The following HTR4 variants were observed in gnomAD, a reference collection of about 807,000 sequenced individuals.
HTR4 encodes 5-hydroxytryptamine receptor 4.
A neutral mutation model predicts 36.8 loss-of-function variants in HTR4; 16 were observed. The ratio of observed to expected loss-of-function variants is 0.43; its 90% CI spans 0.29 to 0.66. The LOEUF (loss-of-function observed/expected upper bound fraction) is 0.66. HTR4 is among the 30% of genes least tolerant of loss of function. The pLI is 0.13. For synonymous variants in HTR4, 189 were observed against 185.1 expected, an observed-to-expected ratio of 1.02 and a Z score of -0.17; for missense variants, 438 against 490.9, an observed-to-expected ratio of 0.89 and a Z score of 1.02.
chr5:148,547,095 TA>T (rs759051925), intron 4 of HTR4, among the ~76,000 whole-genome samples: 1 of 152,164 alleles, frequency 6.6e-6, no homozygotes, highest in Non-Finnish European at 1.5e-5. Context: ...GAAAGCAATT[TA>T]AATACAGCAG....
intron 4 of HTR4, among the ~76,000 whole-genome samples, chr5:148,543,437 C>T (rs940570848): frequency 1.3e-5 from 2 of 152,124 alleles, no homozygotes; most frequent in Non-Finnish European, 1.5e-5. Context: ...TATTATCTGC[C>T]GCATGCTGCT....
At chr5:148,494,453 C>T (rs943176008) in intron 6 of HTR4, among the ~76,000 whole-genome samples, 1 of 152,158 alleles carries the variant, frequency 6.6e-6, no homozygotes, top group South Asian at 2.1e-4. Context: ...CTGTGTTTTG[C>T]CTCTCACTCA....
intron 1 of HTR4, among the ~76,000 whole-genome samples, chr5:148,651,127 A>T (rs1447509848): frequency 1.3e-5 from 2 of 152,244 alleles, no homozygotes; most frequent in African/African-American, 2.4e-5. Context: ...TTCTTAATGA[A>T]GATTAAATAA....
At chr5:148,508,715 T>C (rs756947062) in intron 6 of HTR4, among the ~76,000 whole-genome samples, 3 of 152,208 alleles carry the variant, frequency 2.0e-5, no homozygotes, top group Non-Finnish European at 2.9e-5. Flanking sequence ...ATTACTGTTG[T>C]ATATTTATTA....
chr5:148,550,277 C>T lies in HTR4; in HGVS notation c.27-15G>A, dbSNP rs1446454980. On this transcript the variant is annotated splice_polypyrimidine_tract_variant and intron_variant, in intron 2 of 6. Coordinates refer to ENST00000377888, the MANE Select transcript of HTR4 (RefSeq NM_000870.7). ...CCTCCTCAGAACTGAAAGACACACACAAGCACAAAGAATTGAATGAAACTC... is the reference window on the plus strand; with the variant it reads ...CCTCCTCAGAACTGAAAGACACACATAAGCACAAAGAATTGAATGAAACTC... 1.2e-6 allele frequency: 2 copies of T among 1,613,682 alleles called. No individual in the cohort carries two copies. The highest frequency in any genetic ancestry group is 1.1e-5 in the South Asian group (1 of 90,950).
intron 2 of HTR4, among the ~76,000 whole-genome samples, chr5:148,568,874 A>G (rs1309379747): frequency 2.0e-5 from 3 of 152,130 alleles, no homozygotes; most frequent in Non-Finnish European, 4.4e-5. Context: ...AGTTTTTTGT[A>G]AAACTGAACA....
chr5:148,458,181 C>A (rs1296850145), intron 5 of HTR4, among the ~76,000 whole-genome samples: 1 of 143,818 alleles, frequency 7.0e-6, no homozygotes, highest in African/African-American at 2.5e-5. Flanking sequence ...ATTTTAATAT[C>A]TATTTAATAT....
Position 148,654,322 on chromosome 5 carries a change from G to C in HTR4, c.-308C>G, listed in dbSNP as rs1754131276. 4.1e-6 allele frequency: 4 copies of C among 984,900 alleles called. 1 individual carries two copies. Among genetic ancestry groups the C allele is most frequent in the African/African-American group, 3.5e-5 (2 of 57,354 alleles). The allele number at this position is 984,900 out of a possible 1,614,324, so 61.0% of individuals were successfully genotyped here. ...GCGCATCGTCCTTCTCCCCAACCGA[G>C]CCGGACTCCACGGGCTCAACAGCCC... On this transcript the variant is annotated 5_prime_UTR_variant, in exon 1 of 7. Coordinates refer to ENST00000377888, the MANE Select transcript of HTR4 (RefSeq NM_000870.7).
intron 1 of HTR4, among the ~76,000 whole-genome samples, chr5:148,650,863 G>C (rs896409119): frequency 3.9e-5 from 6 of 152,118 alleles, no homozygotes; most frequent in African/African-American, 9.7e-5. Context: ...CTGTTTTCTA[G>C]AGGCAGACTT....
At chr5:148,572,597 G>C (rs1333786037) in intron 2 of HTR4, among the ~76,000 whole-genome samples, 1 of 152,092 alleles carries the variant, frequency 6.6e-6, no homozygotes, top group Non-Finnish European at 1.5e-5. Flanking sequence ...CAATGAGCTT[G>C]TGCTCTGTAC....
intron 6 of HTR4, among the ~76,000 whole-genome samples, chr5:148,497,165 T>C (rs148316175): frequency 0.016 from 2,396 of 152,286 alleles, 33 homozygotes; most frequent in Middle Eastern, 0.048. Context: ...TAGTTATTGC[T>C]TCTGTGGATG....
chr5:148,567,194 GA>G (rs948001565), intron 2 of HTR4, among the ~76,000 whole-genome samples: 1 of 152,052 alleles, frequency 6.6e-6, no homozygotes, highest in Non-Finnish European at 1.5e-5. Flanking sequence ...TACAAAGAAA[GA>G]ATAACTTCAA....
chr5:148,531,594 A>C (rs189030814), intron 4 of HTR4, among the ~76,000 whole-genome samples: 24 of 152,284 alleles, frequency 1.6e-4, no homozygotes, highest in Admixed American at 1.5e-3. Context: ...TCTAAAATGA[A>C]GTGTGTATCC....
downstream of HTR4, among the ~76,000 whole-genome samples, chr5:148,472,969 ACAT>A (rs1454227269): frequency 3.9e-5 from 6 of 152,266 alleles, no homozygotes; most frequent in African/African-American, 1.4e-4. Context: ...GATTTTAAAA[ACAT>A]CAGCCTGATG....
intron 4 of HTR4, among the ~76,000 whole-genome samples, chr5:148,528,822 G>A (rs62388970): frequency 0.31 from 47,357 of 151,700 alleles, 7,724 homozygotes; most frequent in Non-Finnish European, 0.37. Flanking sequence ...TTCTTTGGAG[G>A]GAGGTAAGGC....
chr5:148,534,102 T>G (rs182516173), intron 4 of HTR4, among the ~76,000 whole-genome samples: 119 of 152,328 alleles, frequency 7.8e-4, no homozygotes, highest in African/African-American at 2.7e-3. Flanking sequence ...CATTGTCGCT[T>G]AAGCTGCTGA....
intron 6 of HTR4, among the ~76,000 whole-genome samples, chr5:148,505,462 C>A (rs1304387129): frequency 6.6e-6 from 1 of 152,112 alleles, no homozygotes; most frequent in Non-Finnish European, 1.5e-5. Context: ...AAAACTGGCA[C>A]AAGACAGGAA....
At chr5:148,471,661 C>A (rs775626378), downstream of HTR4, among the ~76,000 whole-genome samples, 2 of 152,132 alleles carry the variant, frequency 1.3e-5, no homozygotes, top group Non-Finnish European at 2.9e-5. Context: ...TAGGGAGAAC[C>A]TAGTGACTTT....
chr5:148,643,422 G>GT (rs893810822), intron 1 of HTR4, among the ~76,000 whole-genome samples: 3 of 151,766 alleles, frequency 2.0e-5, no homozygotes, highest in African/African-American at 4.8e-5. Flanking sequence ...TAGAAATCAG[G>GT]TTTTTTTTCC....
Sources: gnomAD v4.1 joint callset for allele counts (sites outside exome capture counted in the v4.1 genomes callset) on GRCh38, gnomAD v4.1.1 for gene constraint, MANE v1.5 for transcripts, NCBI Gene and HGNC (gene_info 2026-07-23, HGNC 2026-07-21) for gene names.